The following CD163L1 variants were observed in gnomAD, a reference collection of about 807,000 sequenced individuals.
CD163L1 encodes the protein CD163 molecule like 1.
CD163L1 carries 124 observed loss-of-function variants against 165.4 expected under a neutral mutation model. That is an observed-to-expected ratio of 0.75 (90% CI 0.65 to 0.87). The LOEUF (loss-of-function observed/expected upper bound fraction) is 0.87. Ranked by LOEUF, CD163L1 falls within the 40% of genes least tolerant of loss-of-function variation. The probability of loss-of-function intolerance (pLI) is 0.00; values close to 1 mark genes in which losing one functional copy is unlikely to be tolerated. For synonymous variants in CD163L1, 585 were observed against 662.2 expected (o/e 0.88, Z 1.79); for missense variants, 1,525 against 1,799.9 (o/e 0.85, Z 2.76).
the CD163L1 span, among the ~76,000 whole-genome samples, chr12:7,334,015 A>G: frequency 1.3e-5 from 2 of 152,030 alleles, no homozygotes; most frequent in African/African-American, 4.8e-5. Context: ...ACCAACCAAA[A>G]AAAGTCCAGG....
At chr12:7,333,783 C>T in the CD163L1 span, among the ~76,000 whole-genome samples, 1 of 152,078 alleles carries the variant, frequency 6.6e-6, no homozygotes, top group Non-Finnish European at 1.5e-5. Context: ...ATCAAATAGA[C>T]ACCATAAAAA....
rs1441982792 is a variant in CD163L1 at position 7,398,664 on chromosome 12, C to T, written c.1409-80G>A. ...AGACTGAAAAGACTCTCTAAATTCA[C>T]GACTATAAGGCTTTGCCTAACAGGT... is the stretch of plus-strand genomic sequence containing the variant. On this transcript the variant is annotated intron_variant, in intron 6 of 19. Transcript: ENST00000313599. This position sits in a 1 kb window ranked among gnomAD's most constrained non-coding sequence, Gnocchi z 4.5. 7.9e-6 allele frequency: 10 copies of T among 1,262,514 alleles called. No individual in the cohort carries two copies. Among genetic ancestry groups the T allele is most frequent in the African/African-American group, 7.5e-5 (5 of 66,808 alleles). The allele number at this position is 1,262,514 out of a possible 1,614,324, so 78.2% of individuals were successfully genotyped here. A position where few individuals can be genotyped will look rare whatever the true frequency, so the allele number is the denominator to read the frequency against.
Position 7,375,456 on chromosome 12 carries a change from G to A in CD163L1, c.2826C>T (p.Ser942=). The change falls in exon 11 of 20, where the codon AGC becomes AGT. Residue 942 remains serine, a synonymous_variant. Coordinates refer to ENST00000313599, the MANE Select transcript of CD163L1 (RefSeq NM_174941.6). ...CTGTGGTTGAGAGAGCAGTCCCACA[G>A]CTGAGCTGTCTGCATAGAACACGGG... ...EDARVLCRQL[S]CGTALSTTGG... 1 of 1,614,168 alleles carries A rather than the reference G, an allele frequency of 6.2e-7. No individual in the cohort carries two copies. Among genetic ancestry groups the A allele is most frequent in the Non-Finnish European group, 8.5e-7 (1 of 1,180,032 alleles).
the CD163L1 span, chr12:7,320,815 A>G: frequency 1.2e-3 from 1,935 of 1,599,700 alleles, 25 homozygotes; most frequent in African/African-American, 0.023. Context: ...GTACTTGGGC[A>G]GAAATCTCCA....
At chr12:7,373,727 T>C in intron 13 of CD163L1, 87 bp from the exon 14 acceptor site, 1 of 1,136,678 alleles carries the variant, frequency 8.8e-7, no homozygotes, top group Non-Finnish European at 1.3e-6. Flanking sequence ...CCCATGGAAA[T>C]AATACATTAG....
At chr12:7,394,080 C>T (rs529664685) in intron 8 of CD163L1, among the ~76,000 whole-genome samples, 51 of 149,492 alleles carry the variant, frequency 3.4e-4, no homozygotes, top group Non-Finnish European at 6.5e-4. Flanking sequence ...CTTTAAAGTT[C>T]GTATGGAACC....
At chr12:7,345,874 G>A (rs767880507), downstream of CD163L1, among the ~76,000 whole-genome samples, 1 of 152,134 alleles carries the variant, frequency 6.6e-6, no homozygotes, top group East Asian at 1.9e-4. Flanking sequence ...TTATCACATG[G>A]CAAGGGCAGG....
chr12:7,395,241 A>G (rs773181683), intron 8 of CD163L1, among the ~76,000 whole-genome samples: 1 of 152,336 alleles, frequency 6.6e-6, no homozygotes, highest in South Asian at 2.1e-4. Context: ...TGGCACATAT[A>G]CACCATGGAA....
intron 4 of CD163L1, among the ~76,000 whole-genome samples, chr12:7,411,097 C>A (rs1041452941): frequency 2.0e-5 from 3 of 151,808 alleles, no homozygotes; most frequent in African/African-American, 7.2e-5. Context: ...AACAACAATT[C>A]TCCCTTTTCA....
chr12:7,402,306 CAA>C (rs892107740), intron 6 of CD163L1, among the ~76,000 whole-genome samples: 3 of 151,980 alleles, frequency 2.0e-5, no homozygotes, highest in African/African-American at 7.2e-5. Context: ...AAGTGAGAAA[CAA>C]GATACAAAAT....
the CD163L1 span, among the ~76,000 whole-genome samples, chr12:7,340,641 C>A: frequency 6.6e-6 from 1 of 151,538 alleles, no homozygotes; most frequent in Non-Finnish European, 1.5e-5. Flanking sequence ...GGCAGAGGAA[C>A]AATACTCCAA....
Position 7,369,794 on chromosome 12 carries a change from A to G in CD163L1, c.3731-129T>C, listed in dbSNP as rs1453381036. ...GTGTGGTAAGGAAGGCAGAATTTCA[A>G]TGTTACATAGATTAGACAAGAACCT... On this transcript the variant is annotated intron_variant, in intron 14 of 19. Coordinates refer to ENST00000313599, the MANE Select transcript of CD163L1 (RefSeq NM_174941.6). The surrounding 1 kb of genome is among the most constrained non-coding windows in gnomAD (Gnocchi z 4.9). 21 of 757,446 alleles carry G rather than the reference A, an allele frequency of 2.8e-5. No individual in the cohort carries two copies. In the East Asian group the frequency reaches 3.3e-4, roughly 12 times the overall value. 46.9% of individuals were successfully genotyped at this position (757,446 alleles called of 1,614,324 possible).
At chr12:7,366,844 G>C (rs779183154) in intron 18 of CD163L1, among the ~76,000 whole-genome samples, 1 of 152,154 alleles carries the variant, frequency 6.6e-6, no homozygotes, top group South Asian at 2.1e-4. Context: ...TACAAATATA[G>C]ATAAGATTCA....
chr12:7,324,608 T>A, the CD163L1 span: 1 of 1,612,976 alleles, frequency 6.2e-7, no homozygotes. Context: ...GGTAGATGAA[T>A]GTCATTTATT....
chr12:7,324,641 A>T, the CD163L1 span: 1 of 1,595,126 alleles, frequency 6.3e-7, no homozygotes, highest in Non-Finnish European at 8.6e-7. Flanking sequence ...TCATATTTTC[A>T]AGTTCTGTCC....
At chr12:7,422,444 T>C (rs1948456756) in intron 4 of CD163L1, among the ~76,000 whole-genome samples, 1 of 151,936 alleles carries the variant, frequency 6.6e-6, no homozygotes. Flanking sequence ...ATGAGTTTGA[T>C]GAAATGACAG....
In CD163L1 at chr12:7,372,617, C is replaced by T. The variant is rs1947167970; in HGVS notation, c.3730+703G>A. 1.3e-5 allele frequency among the ~76,000 whole-genome samples: 2 copies of T among 151,606 alleles called. No individual in the cohort carries two copies. Among genetic ancestry groups the T allele is most frequent in the South Asian group, 4.2e-4 (2 of 4,810 alleles). On this transcript the variant is annotated intron_variant, in intron 14 of 19. Coordinates refer to ENST00000313599, the MANE Select transcript of CD163L1 (RefSeq NM_174941.6). The surrounding 1 kb of genome is among the most constrained non-coding windows in gnomAD (Gnocchi z 4.2). The stretch of plus-strand genomic sequence containing the variant: ...ATATCCTAAATATAGTGTAACACTA[C>T]ATTACATGCATATATATCATACTAT...
chr12:7,378,068 A>G (rs1381195291), intron 9 of CD163L1, among the ~76,000 whole-genome samples: 1 of 151,928 alleles, frequency 6.6e-6, no homozygotes. Flanking sequence ...TCATCATCCC[A>G]CCCTCTCTAA....
At chr12:7,356,322 C>G (rs1409229368) in intron 19 of CD163L1, among the ~76,000 whole-genome samples, 1 of 151,980 alleles carries the variant, frequency 6.6e-6, no homozygotes, top group Non-Finnish European at 1.5e-5. Flanking sequence ...TATGTTGGAG[C>G]TAGTTATTAT....
Sources: gnomAD v4.1 joint callset for allele counts (sites outside exome capture counted in the v4.1 genomes callset) on GRCh38, gnomAD v4.1.1 for gene constraint, Gnocchi (gnomAD v3.1) non-coding constraint, MANE v1.5 for transcripts, NCBI Gene and HGNC (gene_info 2026-07-23, HGNC 2026-07-21) for gene names.